The following ROBO2 variants were observed in gnomAD, a reference collection of about 807,000 sequenced individuals.
ROBO2 encodes roundabout homolog 2.
ROBO2 carries 53 observed loss-of-function variants against 160.8 expected under a neutral mutation model. That is an observed-to-expected ratio of 0.33 (90% CI 0.26 to 0.41). The LOEUF is 0.41. Ranked by LOEUF, ROBO2 falls within the 10% of genes least tolerant of loss-of-function variation. The pLI is 1.00. For synonymous variants in ROBO2, 664 were observed against 611.7 expected, an observed-to-expected ratio of 1.09 and a Z score of -1.26; for missense variants, 1,577 against 1,722.4, an observed-to-expected ratio of 0.92 and a Z score of 1.49.
chr3:76,430,896 ATTAT>A (rs2076409042), intron 2 of ROBO2, among the ~76,000 whole-genome samples: 2 of 151,978 alleles, frequency 1.3e-5, no homozygotes, highest in Admixed American at 6.6e-5. Flanking sequence ...AAATATTTCA[ATTAT>A]TTATTTTATA....
chr3:77,600,378 A>G (rs1026125713), intron 19 of ROBO2, among the ~76,000 whole-genome samples: 21 of 152,236 alleles, frequency 1.4e-4, no homozygotes, highest in African/African-American at 4.1e-4. Context: ...AAGCACTTAG[A>G]CTTAAAGGCT....
chr3:76,341,636 TG>T (rs1246232324), intron 2 of ROBO2, among the ~76,000 whole-genome samples: 1 of 152,088 alleles, frequency 6.6e-6, no homozygotes, highest in Non-Finnish European at 1.5e-5. Context: ...TCCATAGCCC[TG>T]CAGATTGTGT....
At chr3:76,459,330 T>A (rs1255542636) in intron 2 of ROBO2, among the ~76,000 whole-genome samples, 1 of 152,194 alleles carries the variant, frequency 6.6e-6, no homozygotes, top group Non-Finnish European at 1.5e-5. Flanking sequence ...TGCAGACTTA[T>A]AAAATTTCAA....
At chr3:76,767,245 G>A (rs963686899) in intron 2 of ROBO2, among the ~76,000 whole-genome samples, 7 of 151,410 alleles carry the variant, frequency 4.6e-5, no homozygotes, top group Non-Finnish European at 7.4e-5. Flanking sequence ...TTCAATTATC[G>A]TCTAAGAATG....
chr3:77,223,450 T>C (rs1206330252), intron 2 of ROBO2, among the ~76,000 whole-genome samples: 1 of 152,130 alleles, frequency 6.6e-6, no homozygotes, highest in Non-Finnish European at 1.5e-5. Context: ...GCACATTTAA[T>C]GTCAGTTTGC....
At chr3:75,954,227 G>A (rs1948650108) in intron 2 of ROBO2, among the ~76,000 whole-genome samples, 2 of 151,766 alleles carry the variant, frequency 1.3e-5, no homozygotes, top group Non-Finnish European at 2.9e-5. Flanking sequence ...TTTAATGCAT[G>A]TATATTTTTT....
chr3:77,362,480 G>C (rs2070176796), intron 2 of ROBO2, among the ~76,000 whole-genome samples: 1 of 152,110 alleles, frequency 6.6e-6, no homozygotes, highest in Admixed American at 6.6e-5. Context: ...CTCATATATT[G>C]AGAGTGATCA....
intron 2 of ROBO2, among the ~76,000 whole-genome samples, chr3:77,456,400 G>A (rs2081641240): frequency 6.6e-6 from 1 of 152,122 alleles, no homozygotes; most frequent in Non-Finnish European, 1.5e-5. Flanking sequence ...GGGTAGTCTT[G>A]GAACTGTTAA....
chr3:76,605,461 T>C (rs1023906008), intron 2 of ROBO2, among the ~76,000 whole-genome samples: 1 of 152,152 alleles, frequency 6.6e-6, no homozygotes, highest in Non-Finnish European at 1.5e-5. Context: ...AACAAGTTCA[T>C]GGAAGTGTCA....
chr3:76,451,401 C>T (rs1354015279), intron 2 of ROBO2, among the ~76,000 whole-genome samples: 1 of 152,146 alleles, frequency 6.6e-6, no homozygotes, highest in Non-Finnish European at 1.5e-5. Flanking sequence ...ATTTTGATCG[C>T]TCCTTTCCTA....
At chr3:75,956,727 G>A (rs1231560243) in intron 2 of ROBO2, among the ~76,000 whole-genome samples, 1 of 151,650 alleles carries the variant, frequency 6.6e-6, no homozygotes, top group African/African-American at 2.4e-5. Context: ...TGTCATGCAG[G>A]CAAGGGTTCT....
intron 2 of ROBO2, among the ~76,000 whole-genome samples, chr3:76,324,698 C>G (rs1295691730): frequency 6.6e-6 from 1 of 152,102 alleles, no homozygotes; most frequent in Non-Finnish European, 1.5e-5. Flanking sequence ...ATCATGAGTC[C>G]TTTCTTCCTC....
chr3:76,011,898 T>A lies in ROBO2; in HGVS notation c.109+74296T>A, dbSNP rs559032529. Among the ~76,000 whole-genome samples the A allele has an allele frequency of 1.1e-4, 16 of 152,302 alleles. 1 individual carries two copies. In the South Asian group the frequency reaches 3.3e-3, roughly 32 times the overall value. On this transcript the variant is annotated intron_variant, in intron 2 of 26. Coordinates refer to the ROBO2 transcript ENST00000487694. ...TGGAAATTTTAAGGATACAATATTG[T>A]TTCCAGTCATCCCCCTTTCAGCAGT...
intron 2 of ROBO2, among the ~76,000 whole-genome samples, chr3:77,468,076 C>T (rs996772882): frequency 2.0e-5 from 3 of 152,122 alleles, no homozygotes; most frequent in African/African-American, 7.2e-5. Context: ...TCTGTGATTT[C>T]GGAGACAGCA....
chr3:76,675,304 A>G (rs1034055199), intron 2 of ROBO2, among the ~76,000 whole-genome samples: 1 of 152,296 alleles, frequency 6.6e-6, no homozygotes, highest in African/African-American at 2.4e-5. Context: ...AAAGCAAGCT[A>G]TATCCTTGCC....
chr3:77,354,405 G>T (rs1305663355), intron 2 of ROBO2, among the ~76,000 whole-genome samples: 1 of 152,016 alleles, frequency 6.6e-6, no homozygotes, highest in African/African-American at 2.4e-5. Context: ...TGATGCACTT[G>T]TTGACTTAAT....
chr3:77,184,431 T>C lies in ROBO2; in HGVS notation c.388+86091T>C, dbSNP rs533239056. 5.4e-4 allele frequency among the ~76,000 whole-genome samples: 82 copies of C among 151,722 alleles called. 2 individuals are homozygous for C. In the South Asian group the frequency reaches 0.016, roughly 30 times the overall value. On this transcript the variant is annotated intron_variant, in intron 2 of 25. Coordinates refer to ENST00000461745, the Ensembl canonical transcript of ROBO2. The stretch of plus-strand genomic sequence containing the variant: ...AATATTATATGCAAAAAAGGAATTA[T>C]GAGTGAGTGGAAAAATATATGATCC...
At position 76,598,481 on chromosome 3, in the gene ROBO2, T is replaced by C. The variant is rs115441791; in HGVS notation, c.110-499533T>C. Among the ~76,000 whole-genome samples, 1,440 of 152,244 alleles carry C rather than the reference T, an allele frequency of 9.5e-3. 23 individuals carry two copies. Among genetic ancestry groups the C allele is most frequent in the African/African-American group, 0.029 (1,186 of 41,544 alleles). ...GGTAAAATGGGAAATCCTAATTAGA[T>C]GGATGAATTCTATTAATGTCAATAT... On this transcript the variant is annotated intron_variant, in intron 2 of 26. Coordinates refer to the ROBO2 transcript ENST00000487694.
chr3:77,319,848 GC>G, intron 2 of ROBO2, among the ~76,000 whole-genome samples: 1 of 152,210 alleles, frequency 6.6e-6, no homozygotes, highest in Non-Finnish European at 1.5e-5. Flanking sequence ...TGAGAAAGTT[GC>G]TTATGCTATT....
Sources: gnomAD v4.1 joint callset for allele counts (sites outside exome capture counted in the v4.1 genomes callset) on GRCh38, gnomAD v4.1.1 for gene constraint, MANE v1.5 for transcripts, NCBI Gene and HGNC (gene_info 2026-07-23, HGNC 2026-07-21) for gene names.